Variants in NTRK3 observed in about 807,000 individuals in gnomAD.
The protein encoded by NTRK3 is neurotrophic receptor tyrosine kinase 3.
Under a neutral mutation model 91.7 loss-of-function variants are expected in NTRK3, and 24 were observed. That is an observed-to-expected ratio of 0.26 (90% CI 0.19 to 0.37). The LOEUF (loss-of-function observed/expected upper bound fraction) is 0.37. Ranked by LOEUF, NTRK3 falls within the 10% of genes least tolerant of loss-of-function variation. The pLI, the probability that NTRK3 is intolerant of heterozygous loss-of-function variation, is 1.00. For synonymous variants in NTRK3, 483 were observed against 404.0 expected (o/e 1.20, Z -2.34); for missense variants, 880 against 1,068.9 (o/e 0.82, Z 2.46).
At chr15:87,884,956 A>G (rs1194826714) in intron 17 of NTRK3, among the ~76,000 whole-genome samples, 2 of 151,912 alleles carry the variant, frequency 1.3e-5, no homozygotes, top group Admixed American at 1.3e-4. Flanking sequence ...TTTTTAAATG[A>G]GGTAGAAATA....
At chr15:88,226,039 G>A (rs2050644498) in intron 3 of NTRK3, among the ~76,000 whole-genome samples, 1 of 152,206 alleles carries the variant, frequency 6.6e-6, no homozygotes, top group Non-Finnish European at 1.5e-5. Flanking sequence ...AGAGAACACT[G>A]GATGTGAAGT....
chr15:88,198,900 G>T (rs1253174192), intron 3 of NTRK3, among the ~76,000 whole-genome samples: 1 of 152,164 alleles, frequency 6.6e-6, no homozygotes, highest in Non-Finnish European at 1.5e-5. Flanking sequence ...GTCTCATCCT[G>T]CACAACTCAG....
At chr15:87,962,328 GAGGAA>G in intron 14 of NTRK3, among the ~76,000 whole-genome samples, 1 of 152,286 alleles carries the variant, frequency 6.6e-6, no homozygotes, top group African/African-American at 2.4e-5. Context: ...CAGAAGAGGA[GAGGAA>G]GAGGATATAT....
intron 3 of NTRK3, among the ~76,000 whole-genome samples, chr15:88,191,443 C>T (rs943839068): frequency 1.3e-5 from 2 of 152,148 alleles, no homozygotes; most frequent in African/African-American, 4.8e-5. Context: ...CTGCCTAGGC[C>T]TCCGGATGTT....
At chr15:87,961,806 C>T (rs1469150449) in intron 14 of NTRK3, among the ~76,000 whole-genome samples, 1 of 152,268 alleles carries the variant, frequency 6.6e-6, no homozygotes, top group Non-Finnish European at 1.5e-5. Context: ...ATTCAATCCA[C>T]CTATAACTGC....
At chr15:88,152,847 G>A (rs994239882) in intron 5 of NTRK3, among the ~76,000 whole-genome samples, 1 of 152,154 alleles carries the variant, frequency 6.6e-6, no homozygotes, top group Non-Finnish European at 1.5e-5. Flanking sequence ...TCTGGTATCT[G>A]CCCACTTGCC....
chr15:88,067,799 G>A (rs541793592), intron 13 of NTRK3, among the ~76,000 whole-genome samples: 2 of 152,294 alleles, frequency 1.3e-5, no homozygotes, highest in South Asian at 2.1e-4. Flanking sequence ...TGAGAATCCT[G>A]TAAGTCCCTA....
At chr15:88,249,959 G>A (rs2053193846) in intron 3 of NTRK3, among the ~76,000 whole-genome samples, 1 of 152,154 alleles carries the variant, frequency 6.6e-6, no homozygotes, top group Non-Finnish European at 1.5e-5. Context: ...TTCCCGCAAT[G>A]CTGCCCTTTG....
chr15:88,240,088 C>T lies in NTRK3; in HGVS notation c.248+15818G>A, dbSNP rs947914043. On this transcript the variant is annotated intron_variant, in intron 3 of 18. Coordinates refer to ENST00000394480, the Ensembl canonical transcript of NTRK3. The surrounding 1 kb of genome is among the most constrained non-coding windows in gnomAD (Gnocchi z 4.9). ...CACACACACACAGGAACAAGGTTCCCACGCACCTGTGTGCAGGAGCACAGC... is the reference window on the plus strand; with the variant it reads ...CACACACACACAGGAACAAGGTTCCTACGCACCTGTGTGCAGGAGCACAGC... Among the ~76,000 whole-genome samples, 2 of 152,050 alleles carry T rather than the reference C, an allele frequency of 1.3e-5. No individual in the cohort carries two copies. Among genetic ancestry groups the T allele is most frequent in the Admixed American group, 1.3e-4 (2 of 15,270 alleles).
intron 14 of NTRK3, among the ~76,000 whole-genome samples, chr15:87,987,607 TTA>T (rs971819620): frequency 6.6e-6 from 1 of 151,898 alleles, no homozygotes; most frequent in Admixed American, 6.6e-5. Context: ...AAATTCTTTG[TTA>T]TATATATATG....
chr15:88,057,382 CAGCTA>C (rs1204973871), intron 13 of NTRK3, among the ~76,000 whole-genome samples: 1 of 151,774 alleles, frequency 6.6e-6, no homozygotes, highest in African/African-American at 2.4e-5. Flanking sequence ...CCTGTAATCC[CAGCTA>C]CTCAGGAGGC....
intron 6 of NTRK3, among the ~76,000 whole-genome samples, chr15:88,142,312 C>G (rs562434636): frequency 6.6e-6 from 1 of 152,370 alleles, no homozygotes; most frequent in East Asian, 1.9e-4. Context: ...ATTAATAATA[C>G]AGCAGCAGCT....
Position 87,880,258 on chromosome 15 carries a change from C to A in NTRK3, c.2292+12G>T, listed in dbSNP as rs1233734139. Reference sequence around the variant, plus strand: ...CTCCCCCAATCAAGATTCCTACGCACCCCCTTTTTACCTCCGTGTTTGAGA... The same window carrying A: ...CTCCCCCAATCAAGATTCCTACGCAACCCCTTTTTACCTCCGTGTTTGAGA... On this transcript the variant is annotated intron_variant, in intron 18 of 18. Transcript: ENST00000394480. 6.2e-7 allele frequency: 1 copy of A among 1,613,940 alleles called. No individual in the cohort carries two copies.
Position 88,089,543 on chromosome 15 carries a change from A to T in NTRK3, c.1396+36728T>A, listed in dbSNP as rs527759326. Among the ~76,000 whole-genome samples the T allele has an allele frequency of 2.0e-5, 3 of 152,366 alleles. No individual in the cohort carries two copies. In the East Asian group the frequency reaches 5.8e-4, roughly 29 times the overall value. Reference sequence around the variant, plus strand: ...ATGTTGTCAAAGACTATTTGAAGACATGGGGGAAATGTCTATGACATATTA... The same window carrying T: ...ATGTTGTCAAAGACTATTTGAAGACTTGGGGGAAATGTCTATGACATATTA... On this transcript the variant is annotated intron_variant, in intron 13 of 18. Transcript: ENST00000394480.
At chr15:87,860,665 A>G in exon 19 of NTRK3, 1 of 207,584 alleles carries the variant, frequency 4.8e-6, no homozygotes, top group South Asian at 1.9e-4. Flanking sequence ...TGAAGGGAAC[A>G]GCACCTCAAG....
At chr15:88,010,108 C>T (rs1434535788) in intron 14 of NTRK3, among the ~76,000 whole-genome samples, 1 of 152,148 alleles carries the variant, frequency 6.6e-6, no homozygotes, top group African/African-American at 2.4e-5. Context: ...TTGGCATGAC[C>T]AGCCCCCTCT....
chr15:87,940,653 C>G (rs368701031), exon 15 of NTRK3: 1 of 1,614,016 alleles, frequency 6.2e-7, no homozygotes, highest in Non-Finnish European at 8.5e-7. Flanking sequence ...TGTCCTTGGT[C>G]GGGCTGAGGT....
chr15:87,968,334 C>G (rs960554994), intron 14 of NTRK3, among the ~76,000 whole-genome samples: 1 of 152,208 alleles, frequency 6.6e-6, no homozygotes, highest in African/African-American at 2.4e-5. Flanking sequence ...TTGAGAACCA[C>G]TGCCCTAGAG....
In NTRK3 at chr15:88,105,057, C is replaced by T. The variant is rs145854725; in HGVS notation, c.1396+21214G>A. 4.1e-3 allele frequency among the ~76,000 whole-genome samples: 626 copies of T among 152,320 alleles called. 6 individuals are homozygous for T. The highest frequency in any genetic ancestry group is 0.014 in the African/African-American group (595 of 41,570). On this transcript the variant is annotated intron_variant, in intron 13 of 18. Coordinates refer to ENST00000394480, the Ensembl canonical transcript of NTRK3. Reference sequence around the variant, plus strand: ...TTCACTTTAGTTAAGAGAGGCTGTGCATGGGCTCTGATTACTGAGACTTCA... The same window carrying T: ...TTCACTTTAGTTAAGAGAGGCTGTGTATGGGCTCTGATTACTGAGACTTCA...
Sources: gnomAD v4.1 joint callset for allele counts (sites outside exome capture counted in the v4.1 genomes callset) on GRCh38, gnomAD v4.1.1 for gene constraint, Gnocchi (gnomAD v3.1) non-coding constraint, MANE v1.5 for transcripts, NCBI Gene and HGNC (gene_info 2026-07-23, HGNC 2026-07-21) for gene names.